NDUFAF5: variants seen among roughly 807,000 people sequenced by gnomAD.
NDUFAF5 encodes the protein NADH:ubiquinone oxidoreductase complex assembly factor 5, also known as arginine-hydroxylase NDUFAF5, mitochondrial.
NDUFAF5 carries 34 observed loss-of-function variants against 48.9 expected under a neutral mutation model. The ratio of observed to expected loss-of-function variants is 0.70; its 90% CI spans 0.53 to 0.93. NDUFAF5 has a LOEUF of 0.93. NDUFAF5 is among the 40% of genes least tolerant of loss of function. The pLI is 0.00. For synonymous variants in NDUFAF5, 153 were observed against 150.6 expected, an observed-to-expected ratio of 1.02 and a Z score of -0.12; for missense variants, 428 against 427.5, an observed-to-expected ratio of 1.00 and a Z score of -0.01.
At chr20:13,809,551 A>G (rs953208608) in intron 8 of NDUFAF5, among the ~76,000 whole-genome samples, 2 of 152,204 alleles carry the variant, frequency 1.3e-5, no homozygotes, top group African/African-American at 4.8e-5. Context: ...AGAAGGAGAG[A>G]GTTAAGTGAT....
In NDUFAF5 at chr20:13,793,584, G is replaced by A. The variant is rs1460414817; in HGVS notation, c.375+357G>A. Among the ~76,000 whole-genome samples, 5 of 151,766 alleles carry A rather than the reference G, an allele frequency of 3.3e-5. No individual in the cohort carries two copies. The East Asian group carries it at 7.7e-4, about 23-fold the overall frequency. ...TGTGTCATATATCATCTTTTTAAAT[G>A]GCTACATGGTATTCTAATATATGAA... On this transcript the variant is annotated intron_variant, in intron 4 of 10. Coordinates refer to ENST00000378106, the MANE Select transcript of NDUFAF5 (RefSeq NM_024120.5).
At chr20:13,786,601 A>G (rs1392296468) in intron 1 of NDUFAF5, among the ~76,000 whole-genome samples, 1 of 152,158 alleles carries the variant, frequency 6.6e-6, no homozygotes. Flanking sequence ...CCTTCTCTCA[A>G]AAAGCAGGTA....
intron 7 of NDUFAF5, among the ~76,000 whole-genome samples, chr20:13,806,124 T>G (rs894482053): frequency 1.3e-5 from 2 of 152,238 alleles, no homozygotes; most frequent in African/African-American, 4.8e-5. Context: ...TTAATGTATT[T>G]TCATCTTAAT....
At chr20:13,807,808 G>A (rs917907983) in intron 7 of NDUFAF5, among the ~76,000 whole-genome samples, 4 of 151,804 alleles carry the variant, frequency 2.6e-5, no homozygotes, top group Non-Finnish European at 5.9e-5. Flanking sequence ...AATTAGCTGG[G>A]CACGGTGGCA....
At chr20:13,792,764 G>A (rs13036964) in intron 3 of NDUFAF5, among the ~76,000 whole-genome samples, 11,058 of 152,160 alleles carry the variant, frequency 0.073, 438 homozygotes, top group Non-Finnish European at 0.087. Context: ...GAGGGTAGGC[G>A]AAACAGGGAA....
At position 13,820,939 on chromosome 20, in the gene NDUFAF5, A is replaced by G. The variant is rs2042249018; in HGVS notation, c.*3729A>G. 6.6e-6 allele frequency: 1 copy of G among 152,206 alleles called. No homozygotes were observed. The highest frequency in any genetic ancestry group is 2.1e-4 in the South Asian group (1 of 4,828). The allele number at this position is 152,206 out of a possible 1,614,324, so 9.4% of individuals were successfully genotyped here. On this transcript the variant is annotated 3_prime_UTR_variant, in exon 11 of 11. Coordinates refer to ENST00000378106, the MANE Select transcript of NDUFAF5 (RefSeq NM_024120.5). ...GAGGGGTTGTGGTTAATGATGTGAA[A>G]TTAATCTTCAGGAAATTTATCATAA...
chr20:13,787,881 CTTA>C (rs1333990841), intron 2 of NDUFAF5, among the ~76,000 whole-genome samples: 1 of 151,556 alleles, frequency 6.6e-6, no homozygotes. Flanking sequence ...TTTAAGTTTT[CTTA>C]TTATAGGTTT....
chr20:13,798,325 A>T, intron 5 of NDUFAF5, 136 bp from the exon 6 acceptor site: 1 of 714,136 alleles, frequency 1.4e-6, no homozygotes, highest in Non-Finnish European at 2.6e-6. Flanking sequence ...CTGTATGAAA[A>T]CGATCAGTGG....
intron 3 of NDUFAF5, among the ~76,000 whole-genome samples, chr20:13,790,992 C>T (rs1433776104): frequency 6.6e-6 from 1 of 152,184 alleles, no homozygotes; most frequent in Admixed American, 6.5e-5. Flanking sequence ...TGGATTTGCT[C>T]ATTTTTGATC....
chr20:13,805,585 G>C (rs1379571874), intron 7 of NDUFAF5, among the ~76,000 whole-genome samples: 4 of 152,038 alleles, frequency 2.6e-5, no homozygotes, highest in Non-Finnish European at 1.5e-5. Context: ...ATGTCTTCTT[G>C]AATCATTACA....
chr20:13,794,399 C>T (rs1982841469), intron 4 of NDUFAF5, among the ~76,000 whole-genome samples: 1 of 152,168 alleles, frequency 6.6e-6, no homozygotes, highest in Non-Finnish European at 1.5e-5. Context: ...CCTGCCTCAG[C>T]CTCCCGAGTA....
At chr20:13,816,734 T>G in intron 9 of NDUFAF5, 141 bp from the exon 10 acceptor site, 1 of 758,502 alleles carries the variant, frequency 1.3e-6, no homozygotes, top group Non-Finnish European at 2.3e-6. Context: ...CCCTCAGTAT[T>G]AAGAATTTTT....
At position 13,816,561 on chromosome 20, in the gene NDUFAF5, C is replaced by T. The variant is rs757382811; in HGVS notation, c.862+15C>T. 32 of 1,601,962 alleles carry T rather than the reference C, an allele frequency of 2.0e-5. No individual in the cohort carries two copies. Among genetic ancestry groups the T allele is most frequent in the Non-Finnish European group, 2.7e-5 (31 of 1,169,700 alleles). On this transcript the variant is annotated intron_variant, in intron 9 of 10. Transcript: ENST00000378106. ...AGTGTACAGAGGTAAGGGGCGACCACTCTTTCACCCGCCTCACCAAGGCAC... is the reference window on the plus strand; with the variant it reads ...AGTGTACAGAGGTAAGGGGCGACCATTCTTTCACCCGCCTCACCAAGGCAC...
intron 5 of NDUFAF5, 98 bp downstream of exon 5, chr20:13,795,039 T>C (rs1982973137): frequency 3.7e-6 from 3 of 809,498 alleles, no homozygotes; most frequent in Non-Finnish European, 6.3e-6. Context: ...ACGCCTGTAA[T>C]GCTAGCACTT....
intron 6 of NDUFAF5, among the ~76,000 whole-genome samples, chr20:13,799,701 A>AG (rs1983826845): frequency 7.4e-6 from 1 of 134,458 alleles, no homozygotes; most frequent in Non-Finnish European, 1.6e-5. Flanking sequence ...TCTGTCTCAA[A>AG]AAAAAAAAAA....
chr20:13,789,408 G>A (rs1216197201), intron 3 of NDUFAF5, among the ~76,000 whole-genome samples: 1 of 152,032 alleles, frequency 6.6e-6, no homozygotes, highest in Admixed American at 6.5e-5. Context: ...CAGGTGATCC[G>A]CCTGTCTCGG....
chr20:13,808,943 G>A (rs776804294), intron 8 of NDUFAF5, 41 bp downstream of exon 8: 5 of 1,390,152 alleles, frequency 3.6e-6, no homozygotes, highest in Non-Finnish European at 4.1e-6. Context: ...ATTGGGAAAG[G>A]TAGGCCAAAA....
chr20:13,797,000 T>C (rs187445500), intron 5 of NDUFAF5, among the ~76,000 whole-genome samples: 3 of 152,200 alleles, frequency 2.0e-5, no homozygotes, highest in African/African-American at 4.8e-5. Context: ...ATTTAAGAGA[T>C]TAAGTTTCAG....
chr20:13,818,194 C>T lies in NDUFAF5; in HGVS notation c.*984C>T. On this transcript the variant is annotated 3_prime_UTR_variant, in exon 11 of 11. Transcript: ENST00000378106. ...TCCATGGGTGGGGGCTGTGTGTTAG[C>T]CTGTACGTAGCACATGGGACTTTCC... The T allele has an allele frequency of 2.2e-6, 1 of 454,106 alleles. No individual in the cohort carries two copies. Among genetic ancestry groups the T allele is most frequent in the South Asian group, 1.6e-5 (1 of 64,472 alleles). The allele number at this position is 454,106 out of a possible 1,614,324, so 28.1% of individuals were successfully genotyped here.
Sources: allele counts gnomAD v4.1 joint callset (sites outside exome capture counted in the v4.1 genomes callset), GRCh38; gene constraint gnomAD v4.1.1; transcripts MANE v1.5; gene names NCBI Gene and HGNC (gene_info 2026-07-23, HGNC 2026-07-21).